Variants in PTPRJ observed in about 807,000 individuals in gnomAD.
The protein encoded by PTPRJ is receptor-type tyrosine-protein phosphatase eta.
Under a neutral mutation model 141.3 loss-of-function variants are expected in PTPRJ, and 129 were observed. That is an observed-to-expected ratio of 0.91 (90% CI 0.79 to 1.06). PTPRJ has a LOEUF of 1.06. Ranked by LOEUF, PTPRJ falls within the 50% of genes least tolerant of loss-of-function variation. The pLI is 0.00. For synonymous variants in PTPRJ, 610 were observed against 640.5 expected, an observed-to-expected ratio of 0.95 and a Z score of 0.72; for missense variants, 1,601 against 1,679.7, an observed-to-expected ratio of 0.95 and a Z score of 0.82.
At chr11:48,145,968 T>C (rs1057205942) in intron 14 of PTPRJ, among the ~76,000 whole-genome samples, 1 of 152,296 alleles carries the variant, frequency 6.6e-6, no homozygotes, top group East Asian at 1.9e-4. Context: ...TCCTCCTGCC[T>C]CAGCCTCCCA....
At chr11:48,136,360 G>A (rs1452799749) in intron 9 of PTPRJ, 64 bp downstream of exon 9, 2 of 1,555,530 alleles carry the variant, frequency 1.3e-6, no homozygotes, top group African/African-American at 1.4e-5. Context: ...AGGAGGCACT[G>A]GTTAAATGAT....
chr11:48,128,551 C>T (rs144793866), intron 7 of PTPRJ, among the ~76,000 whole-genome samples: 66 of 152,100 alleles, frequency 4.3e-4, no homozygotes, highest in Middle Eastern at 3.4e-3. Flanking sequence ...AAAGAAGGTC[C>T]GATAATGTAA....
chr11:48,119,018 C>CAAAAAAAA (rs59349969), intron 3 of PTPRJ, among the ~76,000 whole-genome samples: 22 of 86,936 alleles, frequency 2.5e-4, no homozygotes, highest in East Asian at 7.1e-4. Flanking sequence ...GACTTCGTCT[C>CAAAAAAAA]AAAAAAAAAA....
At chr11:48,062,338 C>A (rs1012656240) in intron 1 of PTPRJ, among the ~76,000 whole-genome samples, 3 of 151,922 alleles carry the variant, frequency 2.0e-5, no homozygotes, top group Non-Finnish European at 4.4e-5. Flanking sequence ...ACGGTGAAAC[C>A]CCGTCTCTAC....
Position 48,153,799 on chromosome 11 carries a change from C to G in PTPRJ, c.3142C>G (p.Leu1048Val). The G allele has an allele frequency of 6.2e-7, 1 of 1,608,330 alleles. No homozygotes were observed. The highest frequency in any genetic ancestry group is 1.1e-5 in the South Asian group (1 of 90,980). ...ACCTCATTTGTTTTGTTTTCAGGATCTGAAGCTTGTTGGAATTAGTCAACC... is the reference window on the plus strand; with the variant it reads ...ACCTCATTTGTTTTGTTTTCAGGATGTGAAGCTTGTTGGAATTAGTCAACC... ...NCGFAEEYED[L>V]KLVGISQPKY... is the part of the protein sequence containing the mutation. Residue 1048 changes from leucine (L) to valine (V), a missense_variant, in exon 19 of 25, where the codon CTG becomes GTG. Coordinates refer to ENST00000418331, the MANE Select transcript of PTPRJ (RefSeq NM_002843.4).
At chr11:48,029,123 G>A (rs549643041) in intron 1 of PTPRJ, among the ~76,000 whole-genome samples, 65 of 152,266 alleles carry the variant, frequency 4.3e-4, no homozygotes, top group African/African-American at 1.5e-3. Context: ...AGATGCTGCC[G>A]GGAGTGCAGT....
intron 1 of PTPRJ, among the ~76,000 whole-genome samples, chr11:48,106,346 C>T (rs191742631): frequency 1.2e-4 from 19 of 152,262 alleles, no homozygotes; most frequent in Admixed American, 1.1e-3. Context: ...CCTGGAGCTT[C>T]AAGAAATGAA....
chr11:48,110,793 C>T (rs911187651), intron 2 of PTPRJ, among the ~76,000 whole-genome samples: 1 of 152,132 alleles, frequency 6.6e-6, no homozygotes, highest in African/African-American at 2.4e-5. Flanking sequence ...CCTGGACTCC[C>T]GCATGTTTTG....
chr11:48,124,115 C>T (rs1033707924), intron 5 of PTPRJ, among the ~76,000 whole-genome samples: 7 of 152,102 alleles, frequency 4.6e-5, no homozygotes, highest in Admixed American at 4.6e-4. Flanking sequence ...AGTCTGGCAC[C>T]CAGGAAAGTT....
chr11:48,140,597 C>T (rs7124109), intron 11 of PTPRJ, among the ~76,000 whole-genome samples: 5,127 of 152,198 alleles, frequency 0.034, 131 homozygotes, highest in Non-Finnish European at 0.051. Context: ...AACATGGGAA[C>T]GCCACCTCCC....
chr11:48,125,233 A>G (rs1371705807), intron 6 of PTPRJ, 47 bp downstream of exon 6: 2 of 1,582,550 alleles, frequency 1.3e-6, no homozygotes, highest in Admixed American at 3.4e-5. Flanking sequence ...TTCCTAGCAC[A>G]ATGTTCTGTC....
chr11:48,039,752 G>A (rs1300022096), intron 1 of PTPRJ, among the ~76,000 whole-genome samples: 1 of 151,526 alleles, frequency 6.6e-6, no homozygotes, highest in Non-Finnish European at 1.5e-5. Flanking sequence ...AAGTTTGACA[G>A]TAATAGGTAA....
intron 1 of PTPRJ, among the ~76,000 whole-genome samples, chr11:48,013,151 G>A (rs537579437): frequency 6.6e-6 from 1 of 151,534 alleles, no homozygotes; most frequent in African/African-American, 2.4e-5. Context: ...CAAGCCCCAC[G>A]GGACTGAGGG....
chr11:48,094,697 G>A (rs1590494613), intron 1 of PTPRJ, among the ~76,000 whole-genome samples: 2 of 152,194 alleles, frequency 1.3e-5, no homozygotes, highest in South Asian at 4.1e-4. Flanking sequence ...ACTGCGATGG[G>A]TGTGTGTATT....
chr11:48,159,860 C>T, intron 21 of PTPRJ, 70 bp from the exon 22 acceptor site: 1 of 1,582,926 alleles, frequency 6.3e-7, no homozygotes, highest in African/African-American at 1.3e-5. Flanking sequence ...AGCCAGTCTC[C>T]CTTGTGAGGT....
chr11:48,035,097 C>T (rs1039812421), intron 1 of PTPRJ, among the ~76,000 whole-genome samples: 2 of 152,184 alleles, frequency 1.3e-5, no homozygotes, highest in Non-Finnish European at 2.9e-5. Context: ...TGTTCCTTCC[C>T]TGGTGATTCA....
intron 1 of PTPRJ, among the ~76,000 whole-genome samples, chr11:48,038,977 C>A (rs1854199877): frequency 1.3e-5 from 2 of 151,072 alleles, no homozygotes; most frequent in Admixed American, 6.6e-5. Context: ...GGTGAAACCC[C>A]CGTCTCTACT....
intron 1 of PTPRJ, among the ~76,000 whole-genome samples, chr11:47,984,302 A>G (rs1196942773): frequency 6.6e-6 from 1 of 152,238 alleles, no homozygotes; most frequent in Non-Finnish European, 1.5e-5. Flanking sequence ...GTGGCTGAAC[A>G]ACCGTAGGCC....
At chr11:48,122,959 C>G (rs1434601016) in intron 4 of PTPRJ, among the ~76,000 whole-genome samples, 1 of 152,076 alleles carries the variant, frequency 6.6e-6, no homozygotes, top group African/African-American at 2.4e-5. Flanking sequence ...CTTGAGCAAG[C>G]CCCCCTGCCT....
Sources: gnomAD v4.1 joint callset for allele counts (sites outside exome capture counted in the v4.1 genomes callset) on GRCh38, gnomAD v4.1.1 for gene constraint, MANE v1.5 for transcripts, NCBI Gene and HGNC (gene_info 2026-07-23, HGNC 2026-07-21) for gene names.